Variants in SPACA7 observed in about 807,000 individuals in gnomAD.
SPACA7 encodes sperm acrosome-associated protein 7.
In SPACA7, 19 loss-of-function variants were observed where a neutral mutation model predicts 26.3. The observed-to-expected ratio is 0.72, with a 90% CI of 0.50 to 1.06. The LOEUF is 1.06. SPACA7 is among the 50% of genes least tolerant of loss of function. The pLI, the probability that SPACA7 is intolerant of heterozygous loss-of-function variation, is 0.00. For missense variants in SPACA7, 211 were observed against 229.9 expected, an observed-to-expected ratio of 0.92 and a Z score of 0.53; for synonymous variants, 84 against 84.5, an observed-to-expected ratio of 0.99 and a Z score of 0.04.
intron 4 of SPACA7, 132 bp from the exon 5 acceptor site, chr13:112,400,937 A>G (rs543431787): frequency 1.2e-4 from 79 of 686,374 alleles, no homozygotes; most frequent in Admixed American, 9.8e-4. Context: ...TTTCCAAAAC[A>G]TATTTTCAAA....
chr13:112,387,368 C>T (rs977550010), intron 1 of SPACA7, among the ~76,000 whole-genome samples: 2 of 152,344 alleles, frequency 1.3e-5, no homozygotes, highest in South Asian at 4.1e-4. Context: ...GACCAGCCTG[C>T]CAGTCTGGCT....
At chr13:112,405,534 C>T (rs1032370494) in intron 5 of SPACA7, among the ~76,000 whole-genome samples, 1 of 152,094 alleles carries the variant, frequency 6.6e-6, no homozygotes, top group Non-Finnish European at 1.5e-5. Context: ...TCAGAAAGTA[C>T]TGTTTGTAAT....
rs1422917960 is a variant in SPACA7, at chr13:112,393,022, T to A, written c.96T>A (p.Gly32=). 1 of 1,610,588 alleles carries A rather than the reference T, an allele frequency of 6.2e-7. No individual in the cohort carries two copies. Among genetic ancestry groups the A allele is most frequent in the African/African-American group, 1.3e-5 (1 of 74,976 alleles). ...TGTAGGGTTTTTATTTCCTTCTAGG[T>A]TCACCTACTGAAATACCATTCAGTT... ...TELRPRTVIP[G]SPTEIPFSSK... Residue 32 remains glycine, a splice_region_variant and synonymous_variant, in exon 2 of 7, where the codon GGT becomes GGA. Coordinates refer to ENST00000283550, the MANE Select transcript of SPACA7 (RefSeq NM_145248.5).
intron 4 of SPACA7, among the ~76,000 whole-genome samples, chr13:112,400,040 T>G (rs1885535298): frequency 6.6e-6 from 1 of 152,068 alleles, no homozygotes; most frequent in Admixed American, 6.5e-5. Context: ...CCCCTAACAC[T>G]GGGGATTACA....
chr13:112,380,403 CTCA>C lies in SPACA7; in HGVS notation c.94+3925_94+3927del, dbSNP rs1883973867. Among the ~76,000 whole-genome samples the C allele has an allele frequency of 7.3e-5, 5 of 68,348 alleles. No individual in the cohort carries two copies. The South Asian group carries it at 2.2e-3, about 31-fold the overall frequency. The allele number at this position is 68,348 out of a possible 152,430, so 44.8% of individuals were successfully genotyped here. Reference sequence around the variant, plus strand: ...CTAGGCAACAAGAGCAAAACTCAGTCTCAAAAAAAAAAAAAAAAAAAAAACCAG... The same window carrying C: ...CTAGGCAACAAGAGCAAAACTCAGTCAAAAAAAAAAAAAAAAAAAAACCAG... On this transcript the variant is annotated intron_variant, in intron 1 of 6. Coordinates refer to ENST00000283550, the MANE Select transcript of SPACA7 (RefSeq NM_145248.5).
intron 5 of SPACA7, among the ~76,000 whole-genome samples, chr13:112,422,641 T>C (rs1045194213): frequency 6.6e-6 from 1 of 152,218 alleles, no homozygotes; most frequent in Non-Finnish European, 1.5e-5. Flanking sequence ...TAGAAAATGA[T>C]GTGGGGAAAT....
At chr13:112,405,139 T>C (rs1328423241) in intron 5 of SPACA7, among the ~76,000 whole-genome samples, 1 of 152,014 alleles carries the variant, frequency 6.6e-6, no homozygotes, top group Non-Finnish European at 1.5e-5. Context: ...TCCGCCAACA[T>C]GCCCAGCTAA....
intron 5 of SPACA7, among the ~76,000 whole-genome samples, chr13:112,420,397 A>G (rs931000289): frequency 1.3e-5 from 2 of 152,222 alleles, no homozygotes; most frequent in Non-Finnish European, 2.9e-5. Flanking sequence ...TCAAATGGAA[A>G]TACTAGAAAT....
chr13:112,381,494 CAAA>C lies in SPACA7; in HGVS notation c.94+5030_94+5032del, dbSNP rs35147413. Among the ~76,000 whole-genome samples, 142 of 44,044 alleles carry C rather than the reference CAAA, an allele frequency of 3.2e-3. 1 individual carries two copies. Among genetic ancestry groups the C allele is most frequent in the African/African-American group, 6.6e-3 (114 of 17,266 alleles). 28.9% of individuals were successfully genotyped at this position (44,044 alleles called of 152,430 possible). A position where few individuals can be genotyped will look rare whatever the true frequency, so the allele number is the denominator to read the frequency against. ...GCTGACAGAATGAGACCCTGTCCCC[CAAA>C]AAAAAAAAAAAAAATGCAGACACGC... On this transcript the variant is annotated intron_variant, in intron 1 of 6. Coordinates refer to ENST00000283550, the MANE Select transcript of SPACA7 (RefSeq NM_145248.5).
chr13:112,381,723 C>T (rs970071802), intron 1 of SPACA7, among the ~76,000 whole-genome samples: 3 of 152,098 alleles, frequency 2.0e-5, no homozygotes, highest in African/African-American at 7.2e-5. Flanking sequence ...TGGAGGGAAG[C>T]CAGTGAGGCA....
chr13:112,403,720 C>A (rs1885793744), intron 5 of SPACA7, among the ~76,000 whole-genome samples: 1 of 152,174 alleles, frequency 6.6e-6, no homozygotes, highest in Non-Finnish European at 1.5e-5. Context: ...TAATGGTCTC[C>A]AGTTCCATCC....
At chr13:112,409,963 A>T (rs1886240469) in intron 5 of SPACA7, among the ~76,000 whole-genome samples, 1 of 152,186 alleles carries the variant, frequency 6.6e-6, no homozygotes, top group Admixed American at 6.5e-5. Flanking sequence ...CTTGGAACCA[A>T]CCCAAATGTC....
chr13:112,380,405 C>CAAAAAAAAAAAAAAAAAAAAAAAAAAA (rs5806946), intron 1 of SPACA7, among the ~76,000 whole-genome samples: 1 of 74,056 alleles, frequency 1.4e-5, no homozygotes. Flanking sequence ...AACTCAGTCT[C>CAAAAAAAAAAAAAAAAAAAAAAAAAAA]AAAAAAAAAA....
At chr13:112,432,956 C>A (rs1296698806) in intron 6 of SPACA7, among the ~76,000 whole-genome samples, 1 of 152,176 alleles carries the variant, frequency 6.6e-6, no homozygotes, top group Non-Finnish European at 1.5e-5. Flanking sequence ...TCCAGCCCTT[C>A]TCCACTCCCT....
At position 112,421,225 on chromosome 13, in the gene SPACA7, CAAAAAAAAA is replaced by C. The variant is rs59236283; in HGVS notation, c.446-11209_446-11201del. Among the ~76,000 whole-genome samples, 7 of 86,824 alleles carry C rather than the reference CAAAAAAAAA, an allele frequency of 8.1e-5. No homozygotes were observed. The South Asian group carries it at 2.3e-3, about 28-fold the overall frequency. The allele number at this position is 86,824 out of a possible 152,430, so 57.0% of individuals were successfully genotyped here. On this transcript the variant is annotated intron_variant, in intron 5 of 6. Transcript: ENST00000283550. ...AAGGGAAAAGAAAGAAAGAAACATG[CAAAAAAAAA>C]AAAAAAAAAGTATGTCAACAAAGCA...
intron 1 of SPACA7, among the ~76,000 whole-genome samples, chr13:112,377,765 G>C (rs570798262): frequency 2.0e-5 from 3 of 152,222 alleles, no homozygotes; most frequent in Non-Finnish European, 2.9e-5. Flanking sequence ...CAAGAAAGAA[G>C]AGACATTCCT....
Position 112,396,635 on chromosome 13 carries a change from A to T in SPACA7, c.152-1414A>T, listed in dbSNP as rs151073659. Among the ~76,000 whole-genome samples, 814 of 152,290 alleles carry T rather than the reference A, an allele frequency of 5.3e-3. 5 individuals carry two copies. The highest frequency in any genetic ancestry group is 0.019 in the African/African-American group (785 of 41,564). On this transcript the variant is annotated intron_variant, in intron 2 of 6. Transcript: ENST00000283550. ...TTCTCCAAGACCCCTATCTCACTGGACACCATGACTGTTTAGGAACTTGGA... is the reference window on the plus strand; with the variant it reads ...TTCTCCAAGACCCCTATCTCACTGGTCACCATGACTGTTTAGGAACTTGGA...
chr13:112,382,354 T>C, intron 1 of SPACA7: 2 of 1,458,376 alleles, frequency 1.4e-6, no homozygotes, highest in South Asian at 2.8e-5. Flanking sequence ...CGCCTCAGCC[T>C]CCCAAAGTGC....
At chr13:112,433,543 C>T (rs1877406334) in intron 6 of SPACA7, among the ~76,000 whole-genome samples, 2 of 151,736 alleles carry the variant, frequency 1.3e-5, no homozygotes, top group Non-Finnish European at 2.9e-5. Context: ...CTCCCAGCCC[C>T]TCACTGTCCA....
Sources: allele counts gnomAD v4.1 joint callset (sites outside exome capture counted in the v4.1 genomes callset), GRCh38; gene constraint gnomAD v4.1.1; transcripts MANE v1.5; gene names NCBI Gene and HGNC (gene_info 2026-07-23, HGNC 2026-07-21).